The following ADAMTS12 variants were observed in gnomAD, a reference collection of about 807,000 sequenced individuals.
The protein encoded by ADAMTS12 is A disintegrin and metalloproteinase with thrombospondin motifs 12.
A neutral mutation model predicts 167.8 loss-of-function variants in ADAMTS12; 118 were observed. That is an observed-to-expected ratio of 0.70 (90% CI 0.61 to 0.82). The LOEUF (loss-of-function observed/expected upper bound fraction) is 0.82. Among genes scored for constraint, ADAMTS12 ranks in the 40% least tolerant of loss-of-function variants. The pLI, the probability that ADAMTS12 is intolerant of heterozygous loss-of-function variation, is 0.00. For synonymous variants in ADAMTS12, 704 were observed against 716.9 expected, an observed-to-expected ratio of 0.98 and a Z score of 0.29; for missense variants, 1,916 against 1,998.8, an observed-to-expected ratio of 0.96 and a Z score of 0.79.
chr5:33,597,299 G>A (rs773326339), intron 16 of ADAMTS12, among the ~76,000 whole-genome samples: 3 of 152,216 alleles, frequency 2.0e-5, no homozygotes, highest in African/African-American at 4.8e-5. Context: ...CATGTGACAC[G>A]TGAAACACTG....
At chr5:33,647,467 A>T (rs1231938633) in intron 9 of ADAMTS12, among the ~76,000 whole-genome samples, 1 of 152,186 alleles carries the variant, frequency 6.6e-6, no homozygotes, top group Non-Finnish European at 1.5e-5. Context: ...ACAGTGGTTC[A>T]TTCTTGTAAT....
At chr5:33,592,808 C>A (rs899645466) in intron 17 of ADAMTS12, among the ~76,000 whole-genome samples, 34 of 152,000 alleles carry the variant, frequency 2.2e-4, no homozygotes, top group Non-Finnish European at 1.2e-4. Context: ...AAACCTTGCA[C>A]AGGAAATTTT....
chr5:33,529,370 G>A (rs1016971681), intron 23 of ADAMTS12, among the ~76,000 whole-genome samples: 15 of 152,094 alleles, frequency 9.9e-5, no homozygotes, highest in Admixed American at 9.2e-4. Flanking sequence ...ACACGTTCCA[G>A]GTCTGTTAAG....
At chr5:33,782,967 C>T (rs1399556100) in intron 2 of ADAMTS12, among the ~76,000 whole-genome samples, 1 of 152,018 alleles carries the variant, frequency 6.6e-6, no homozygotes, top group East Asian at 1.9e-4. Flanking sequence ...AAAAGCAGAA[C>T]ACACATTATC....
chr5:33,686,793 T>C (rs951203124), intron 3 of ADAMTS12, among the ~76,000 whole-genome samples: 2 of 151,068 alleles, frequency 1.3e-5, no homozygotes, highest in South Asian at 2.1e-4. Context: ...TCAGTGCCTA[T>C]ATATATAGAG....
At chr5:33,734,040 CACACAG>C (rs1210984322) in intron 3 of ADAMTS12, among the ~76,000 whole-genome samples, 9 of 120,362 alleles carry the variant, frequency 7.5e-5, no homozygotes, top group African/African-American at 2.7e-4. Flanking sequence ...CACACACACA[CACACAG>C]AGTAAGCTCT....
At chr5:33,534,713 C>T in intron 23 of ADAMTS12, 120 bp downstream of exon 23, 1 of 1,351,970 alleles carries the variant, frequency 7.4e-7, no homozygotes, top group South Asian at 1.6e-5. Context: ...ACTGGTTGAC[C>T]TCTTTAACAT....
chr5:33,616,648 C>G (rs920842475), intron 14 of ADAMTS12, among the ~76,000 whole-genome samples: 11 of 152,204 alleles, frequency 7.2e-5, no homozygotes, highest in African/African-American at 2.4e-4. Flanking sequence ...CTGAGTACAG[C>G]CTTTTATACT....
intron 2 of ADAMTS12, among the ~76,000 whole-genome samples, chr5:33,849,610 T>TACAC (rs199902475): frequency 3.4e-5 from 2 of 58,718 alleles, no homozygotes; most frequent in African/African-American, 1.8e-4. Context: ...TGCATAGCAA[T>TACAC]ATATATGTAT....
At chr5:33,615,732 A>T (rs1738967601) in intron 15 of ADAMTS12, 96 bp downstream of exon 15, 1 of 1,509,464 alleles carries the variant, frequency 6.6e-7, no homozygotes, top group East Asian at 2.3e-5. Context: ...GGTTTTAAAG[A>T]TTCTGACTTA....
chr5:33,690,425 T>G (rs372487870), intron 3 of ADAMTS12, among the ~76,000 whole-genome samples: 142 of 151,524 alleles, frequency 9.4e-4, no homozygotes, highest in African/African-American at 3.2e-3. Context: ...AAGTACATCC[T>G]AGCTTAAGAG....
At chr5:33,616,648 C>A (rs920842475) in intron 14 of ADAMTS12, among the ~76,000 whole-genome samples, 1 of 152,204 alleles carries the variant, frequency 6.6e-6, no homozygotes, top group African/African-American at 2.4e-5. Context: ...CTGAGTACAG[C>A]CTTTTATACT....
rs141531138 is a variant in ADAMTS12 at position 33,840,404 on chromosome 5, G to A, written c.489+40715C>T. On this transcript the variant is annotated intron_variant, in intron 2 of 23. Coordinates refer to ENST00000504830, the MANE Select transcript of ADAMTS12 (RefSeq NM_030955.4). ...CTCACCCTTTAATTAACCATGGCAT[G>A]TTGGTGAAGACCTCAGGATGAAGAA... is the stretch of plus-strand genomic sequence containing the variant. The A allele has an allele frequency of 1.5e-3, 224 of 152,306 alleles. 3 individuals carry two copies. Among genetic ancestry groups the A allele is most frequent in the African/African-American group, 4.9e-3 (203 of 41,552 alleles). 9.4% of individuals were successfully genotyped at this position (152,306 alleles called of 1,614,324 possible). A position where few individuals can be genotyped will look rare whatever the true frequency, so the allele number is the denominator to read the frequency against.
intron 2 of ADAMTS12, among the ~76,000 whole-genome samples, chr5:33,789,466 G>A (rs923758848): frequency 3.9e-5 from 6 of 152,094 alleles, no homozygotes; most frequent in African/African-American, 1.2e-4. Flanking sequence ...CCGCTCTCAG[G>A]GTCTCTTCTT....
At chr5:33,577,583 G>A (rs766841422) in intron 18 of ADAMTS12, among the ~76,000 whole-genome samples, 1 of 152,018 alleles carries the variant, frequency 6.6e-6, no homozygotes, top group African/African-American at 2.4e-5. Context: ...TATGAAATTC[G>A]GTATAAGGAA....
chr5:33,664,687 T>C (rs1392448208), intron 5 of ADAMTS12, among the ~76,000 whole-genome samples: 3 of 152,158 alleles, frequency 2.0e-5, no homozygotes, highest in Non-Finnish European at 4.4e-5. Flanking sequence ...GAAACCATTG[T>C]ACACTGTTGG....
At chr5:33,615,772 A>G (rs754848675) in intron 15 of ADAMTS12, 56 bp downstream of exon 15, 9 of 1,595,540 alleles carry the variant, frequency 5.6e-6, no homozygotes, top group South Asian at 1.1e-5. Context: ...TTGGGGAAAA[A>G]GGAGAAGTAT....
chr5:33,595,478 C>A (rs748119374), intron 17 of ADAMTS12, among the ~76,000 whole-genome samples: 1 of 152,204 alleles, frequency 6.6e-6, no homozygotes, highest in Non-Finnish European at 1.5e-5. Context: ...GCCAGCCCCA[C>A]GTGCCAGTAA....
intron 19 of ADAMTS12, among the ~76,000 whole-genome samples, chr5:33,564,816 C>T (rs1244568467): frequency 1.3e-5 from 2 of 152,194 alleles, no homozygotes; most frequent in Admixed American, 6.5e-5. Flanking sequence ...CAAAAGCATC[C>T]TCCTTCATCT....
Sources: allele counts gnomAD v4.1 joint callset (sites outside exome capture counted in the v4.1 genomes callset), GRCh38; gene constraint gnomAD v4.1.1; transcripts MANE v1.5; gene names NCBI Gene and HGNC (gene_info 2026-07-23, HGNC 2026-07-21).